MDGA2: variants seen among roughly 807,000 people sequenced by gnomAD.
MDGA2 encodes MAM domain-containing glycosylphosphatidylinositol anchor protein 2.
Under a neutral mutation model 117.8 loss-of-function variants are expected in MDGA2, and 40 were observed. The ratio of observed to expected loss-of-function variants is 0.34; its 90% CI spans 0.26 to 0.44. The LOEUF is 0.44. Ranked by LOEUF, MDGA2 falls within the 20% of genes least tolerant of loss-of-function variation. MDGA2 has a pLI of 1.00. For missense variants in MDGA2, 1,123 were observed against 1,250.6 expected, an observed-to-expected ratio of 0.90 and a Z score of 1.54; for synonymous variants, 452 against 439.0, an observed-to-expected ratio of 1.03 and a Z score of -0.37.
intron 1 of MDGA2, among the ~76,000 whole-genome samples, chr14:47,397,190 T>C (rs559959499): frequency 6.6e-6 from 1 of 152,286 alleles, no homozygotes; most frequent in African/African-American, 2.4e-5. Context: ...AGGACATGGA[T>C]GAAGCTGGAA....
At chr14:47,009,643 A>G (rs1231806472) in intron 8 of MDGA2, among the ~76,000 whole-genome samples, 2 of 152,086 alleles carry the variant, frequency 1.3e-5, no homozygotes, top group Non-Finnish European at 2.9e-5. Flanking sequence ...TATGTATACA[A>G]CACTAAATTG....
At chr14:47,372,489 T>A (rs1891384194) in intron 1 of MDGA2, among the ~76,000 whole-genome samples, 1 of 151,932 alleles carries the variant, frequency 6.6e-6, no homozygotes, top group Non-Finnish European at 1.5e-5. Flanking sequence ...CCCTCTCATT[T>A]GTAGTCAGAG....
chr14:47,167,170 AT>A (rs543041803), intron 3 of MDGA2, among the ~76,000 whole-genome samples: 196 of 147,486 alleles, frequency 1.3e-3, no homozygotes, highest in Admixed American at 5.2e-3. Context: ...GACCATCCAT[AT>A]TTTTTTTTTT....
chr14:47,161,520 C>T (rs1555359215), intron 3 of MDGA2, among the ~76,000 whole-genome samples: 2 of 151,642 alleles, frequency 1.3e-5, no homozygotes, highest in East Asian at 1.9e-4. Flanking sequence ...TATATTTCAA[C>T]TTAATGTAAT....
intron 1 of MDGA2, among the ~76,000 whole-genome samples, chr14:47,325,011 T>TA (rs1233893598): frequency 6.6e-6 from 1 of 151,982 alleles, no homozygotes; most frequent in Admixed American, 6.6e-5. Flanking sequence ...ATAATAAAAG[T>TA]AAAAAACAGG....
intron 8 of MDGA2, among the ~76,000 whole-genome samples, chr14:47,034,090 G>C (rs1888755718): frequency 6.6e-6 from 1 of 152,182 alleles, no homozygotes; most frequent in Non-Finnish European, 1.5e-5. Flanking sequence ...TTAACAAATA[G>C]TATGTCAATT....
intron 8 of MDGA2, among the ~76,000 whole-genome samples, chr14:46,978,656 T>G (rs1169733190): frequency 6.6e-6 from 1 of 152,102 alleles, no homozygotes; most frequent in African/African-American, 2.4e-5. Flanking sequence ...TTATTGTTGT[T>G]AACAGGAAAA....
Position 47,632,551 on chromosome 14 carries a change from C to T in MDGA2, c.280+41966G>A, listed in dbSNP as rs368463586. ...GTTTCTTAATAAAACTTCAGTGGTCCTACAGTTCCCTCAGAATAAAGTTCA... is the reference window on the plus strand; with the variant it reads ...GTTTCTTAATAAAACTTCAGTGGTCTTACAGTTCCCTCAGAATAAAGTTCA... On this transcript the variant is annotated intron_variant, in intron 1 of 16. Coordinates refer to ENST00000399232, the MANE Select transcript of MDGA2 (RefSeq NM_001113498.3). Among the ~76,000 whole-genome samples, 162 of 152,258 alleles carry T rather than the reference C, an allele frequency of 1.1e-3. 2 individuals are homozygous for T. The South Asian group carries it at 0.031, about 29-fold the overall frequency.
chr14:47,047,376 AG>A (rs1275882780), intron 7 of MDGA2, among the ~76,000 whole-genome samples: 1 of 152,128 alleles, frequency 6.6e-6, no homozygotes, highest in African/African-American at 2.4e-5. Context: ...GAATTTAATG[AG>A]TAATGAAAAA....
chr14:46,887,848 T>C (rs767821593), intron 10 of MDGA2, among the ~76,000 whole-genome samples: 1 of 151,932 alleles, frequency 6.6e-6, no homozygotes, highest in Non-Finnish European at 1.5e-5. Context: ...CAAAAATATA[T>C]ACAGAATAAT....
At chr14:47,176,512 C>G (rs1884456075) in intron 3 of MDGA2, among the ~76,000 whole-genome samples, 1 of 152,130 alleles carries the variant, frequency 6.6e-6, no homozygotes, top group Non-Finnish European at 1.5e-5. Flanking sequence ...CTACAACTAT[C>G]TGATCTTTGA....
intron 7 of MDGA2, chr14:47,058,984 G>C: frequency 2.0e-6 from 2 of 986,422 alleles, no homozygotes; most frequent in Non-Finnish European, 2.4e-6. Context: ...ACAAATTGAG[G>C]AGCTGCTCCT....
intron 3 of MDGA2, among the ~76,000 whole-genome samples, chr14:47,165,466 C>G (rs2139295121): frequency 1.3e-5 from 2 of 152,216 alleles, no homozygotes; most frequent in African/African-American, 4.8e-5. Context: ...TTCTTTGACC[C>G]TTCCATTTTC....
intron 1 of MDGA2, among the ~76,000 whole-genome samples, chr14:47,368,278 T>G (rs952942667): frequency 6.6e-6 from 1 of 151,860 alleles, no homozygotes; most frequent in Non-Finnish European, 1.5e-5. Context: ...CCAAACTCTG[T>G]CTAAACAAAA....
intron 1 of MDGA2, among the ~76,000 whole-genome samples, chr14:47,328,699 A>G (rs1890211678): frequency 6.6e-6 from 1 of 152,120 alleles, no homozygotes; most frequent in South Asian, 2.1e-4. Context: ...CTAATGTGAG[A>G]GGTAAGAACA....
chr14:47,178,549 T>C (rs945636290), intron 3 of MDGA2, among the ~76,000 whole-genome samples: 1 of 152,194 alleles, frequency 6.6e-6, no homozygotes, highest in Admixed American at 6.5e-5. Context: ...TCACTTATTA[T>C]ATAAAAATGT....
At chr14:47,529,451 TC>T (rs897433582) in intron 1 of MDGA2, among the ~76,000 whole-genome samples, 6 of 151,670 alleles carry the variant, frequency 4.0e-5, no homozygotes, top group African/African-American at 1.2e-4. Context: ...AAATGAAGTA[TC>T]CCCCCCCTCA....
At chr14:47,242,376 G>A (rs2139608991) in intron 2 of MDGA2, among the ~76,000 whole-genome samples, 2 of 152,022 alleles carry the variant, frequency 1.3e-5, no homozygotes, top group African/African-American at 4.8e-5. Context: ...CCACTGTACT[G>A]TGGGAGCCCC....
intron 8 of MDGA2, among the ~76,000 whole-genome samples, chr14:47,001,720 A>G (rs1416345258): frequency 1.3e-5 from 2 of 152,158 alleles, no homozygotes; most frequent in African/African-American, 2.4e-5. Context: ...AAACAAAATG[A>G]TGTATAATAC....
Sources: gnomAD v4.1 joint callset for allele counts (sites outside exome capture counted in the v4.1 genomes callset) on GRCh38, gnomAD v4.1.1 for gene constraint, MANE v1.5 for transcripts, NCBI Gene and HGNC (gene_info 2026-07-23, HGNC 2026-07-21) for gene names.